The following STARD13 variants were observed in gnomAD, a reference collection of about 807,000 sequenced individuals.
STARD13 encodes the protein StAR related lipid transfer domain containing 13, also known as stAR-related lipid transfer protein 13.
In STARD13, 62 loss-of-function variants were observed where a neutral mutation model predicts 106.4. The ratio of observed to expected loss-of-function variants is 0.58; its 90% CI spans 0.48 to 0.72. The LOEUF (loss-of-function observed/expected upper bound fraction) is 0.72, where lower values mean the gene tolerates loss of function less well. STARD13 is among the 30% of genes least tolerant of loss of function. STARD13 has a pLI of 0.00. For missense variants in STARD13, 1,387 were observed against 1,424.0 expected (o/e 0.97, Z 0.42); for synonymous variants, 565 against 553.0 (o/e 1.02, Z -0.31).
chr13:33,622,791 AT>A, the STARD13 span, among the ~76,000 whole-genome samples: 33 of 150,870 alleles, frequency 2.2e-4, no homozygotes, highest in South Asian at 6.5e-3. Context: ...GTGGTGGCGC[AT>A]GCCTGTAGTC....
the STARD13 span, among the ~76,000 whole-genome samples, chr13:33,533,333 G>T: frequency 6.6e-6 from 1 of 152,198 alleles, no homozygotes; most frequent in Non-Finnish European, 1.5e-5. Context: ...GGTCTCAGCA[G>T]TGGGAAGCAG....
chr13:33,512,892 C>T, the STARD13 span, among the ~76,000 whole-genome samples: 4 of 152,176 alleles, frequency 2.6e-5, no homozygotes, highest in South Asian at 8.3e-4. Context: ...AAGAAACCAA[C>T]CCTGTGCATA....
chr13:33,389,064 T>C, the STARD13 span, among the ~76,000 whole-genome samples: 1 of 151,400 alleles, frequency 6.6e-6, no homozygotes, highest in Non-Finnish European at 1.5e-5. Flanking sequence ...CAAGCGATTC[T>C]CCTGCCTCAG....
At chr13:33,274,478 A>T (rs748555183) in intron 1 of STARD13, among the ~76,000 whole-genome samples, 2 of 152,206 alleles carry the variant, frequency 1.3e-5, no homozygotes, top group Non-Finnish European at 2.9e-5. Context: ...GGATTAAGTC[A>T]CCCAGTCTCT....
chr13:33,359,093 G>A, the STARD13 span, among the ~76,000 whole-genome samples: 1 of 152,168 alleles, frequency 6.6e-6, no homozygotes, highest in Non-Finnish European at 1.5e-5. Context: ...AAAGCAGGAT[G>A]CCCCAGCCAG....
At chr13:33,403,231 C>G in the STARD13 span, among the ~76,000 whole-genome samples, 2 of 152,212 alleles carry the variant, frequency 1.3e-5, no homozygotes, top group Non-Finnish European at 2.9e-5. Flanking sequence ...CAAGCCACAC[C>G]CCTGCTGCAC....
At position 33,317,745 on chromosome 13, in the gene STARD13, C is replaced by G. The variant is rs931574001; in HGVS notation, c.124+32545G>C. 1.3e-5 allele frequency among the ~76,000 whole-genome samples: 2 copies of G among 152,140 alleles called. 1 individual carries two copies. The highest frequency in any genetic ancestry group is 2.9e-5 in the Non-Finnish European group (2 of 68,008). On this transcript the variant is annotated intron_variant, in intron 1 of 5. Coordinates refer to the STARD13 transcript ENST00000567873. ...ATTTATTGATTTATTTGCTTATTAT[C>G]TGTGTCCCCAGGACAAAGTAAACTC...
chr13:33,448,747 C>A, the STARD13 span, among the ~76,000 whole-genome samples: 11 of 152,110 alleles, frequency 7.2e-5, no homozygotes, highest in African/African-American at 2.7e-4. Flanking sequence ...CCCCTTTTCT[C>A]CGCGTCTTCA....
chr13:33,118,034 C>T (rs534636563), intron 8 of STARD13, 31 bp downstream of exon 8: 49 of 1,611,048 alleles, frequency 3.0e-5, no homozygotes, highest in Admixed American at 5.0e-5. Flanking sequence ...AGGATGCCCA[C>T]GAGAACACCA....
At chr13:33,358,658 C>A in the STARD13 span, among the ~76,000 whole-genome samples, 1 of 152,084 alleles carries the variant, frequency 6.6e-6, no homozygotes, top group Non-Finnish European at 1.5e-5. Context: ...CTGAATCTAG[C>A]TCAAGGTTTG....
intron 1 of STARD13, among the ~76,000 whole-genome samples, chr13:33,172,666 G>C (rs1161563463): frequency 1.3e-5 from 2 of 152,248 alleles, no homozygotes; most frequent in South Asian, 2.1e-4. Flanking sequence ...TGTACATTTT[G>C]TTTTACGTTT....
At chr13:33,516,143 T>A in the STARD13 span, among the ~76,000 whole-genome samples, 1 of 148,012 alleles carries the variant, frequency 6.8e-6, no homozygotes, top group Non-Finnish European at 1.5e-5. Flanking sequence ...GTGTTATATA[T>A]AATTTATATA....
intron 12 of STARD13, among the ~76,000 whole-genome samples, chr13:33,108,343 G>T (rs1294052970): frequency 2.0e-5 from 3 of 152,160 alleles, no homozygotes; most frequent in African/African-American, 7.2e-5. Flanking sequence ...AACCAGATCT[G>T]GTTCATTGTT....
In STARD13 at chr13:33,104,602, C is replaced by T. The variant is rs141250303; in HGVS notation, c.*991G>A. 6.6e-6 allele frequency: 1 copy of T among 152,638 alleles called. No individual in the cohort carries two copies. Among genetic ancestry groups the T allele is most frequent in the East Asian group, 1.9e-4 (1 of 5,200 alleles). 9.5% of individuals were successfully genotyped at this position (152,638 alleles called of 1,614,324 possible). On this transcript the variant is annotated 3_prime_UTR_variant, in exon 14 of 14. Coordinates refer to ENST00000336934, the MANE Select transcript of STARD13 (RefSeq NM_178006.4). The stretch of plus-strand genomic sequence containing the variant: ...AGTGCAATAAGAAAACACCAATTAA[C>T]TGTGACCAAATAGGCCACTGGTCAA...
At chr13:33,631,051 G>C in the STARD13 span, among the ~76,000 whole-genome samples, 63 of 152,290 alleles carry the variant, frequency 4.1e-4, no homozygotes, top group African/African-American at 1.5e-3. Flanking sequence ...ATGTTCTGCT[G>C]TCAGCCCAGT....
At chr13:33,237,970 C>G (rs1889276452) in intron 1 of STARD13, among the ~76,000 whole-genome samples, 1 of 152,208 alleles carries the variant, frequency 6.6e-6, no homozygotes, top group African/African-American at 2.4e-5. Flanking sequence ...AAGAACACAT[C>G]TTATGTAAAC....
At chr13:33,594,026 C>G in the STARD13 span, among the ~76,000 whole-genome samples, 2 of 152,174 alleles carry the variant, frequency 1.3e-5, no homozygotes, top group African/African-American at 4.8e-5. Flanking sequence ...CCTGCCTCAG[C>G]CTCCCAAGTA....
intron 4 of STARD13, among the ~76,000 whole-genome samples, chr13:33,141,780 C>T (rs1879861071): frequency 6.6e-6 from 1 of 152,092 alleles, no homozygotes; most frequent in Admixed American, 6.5e-5. Context: ...CTACTCACTG[C>T]TGTGAAGCAT....
At chr13:33,426,625 T>C in the STARD13 span, among the ~76,000 whole-genome samples, 1 of 152,248 alleles carries the variant, frequency 6.6e-6, no homozygotes, top group Non-Finnish European at 1.5e-5. Flanking sequence ...AAATACATTG[T>C]CATTTAATTA....
Sources: gnomAD v4.1 joint callset for allele counts (sites outside exome capture counted in the v4.1 genomes callset) on GRCh38, gnomAD v4.1.1 for gene constraint, MANE v1.5 for transcripts, NCBI Gene and HGNC (gene_info 2026-07-23, HGNC 2026-07-21) for gene names.